The following TARBP1 variants were observed in gnomAD, a reference collection of about 807,000 sequenced individuals.
The protein encoded by TARBP1 is tRNA (guanosine(18)-2'-O)-methyltransferase TARBP1.
In TARBP1, 144 loss-of-function variants were observed where a neutral mutation model predicts 178.6. The ratio of observed to expected loss-of-function variants is 0.81; its 90% CI spans 0.70 to 0.93. The LOEUF (loss-of-function observed/expected upper bound fraction) is 0.93, where lower values mean the gene tolerates loss of function less well. Ranked by LOEUF, TARBP1 falls within the 40% of genes least tolerant of loss-of-function variation. TARBP1 has a pLI of 0.00. For missense variants in TARBP1, 2,067 were observed against 2,011.7 expected, an observed-to-expected ratio of 1.03 and a Z score of -0.53; for synonymous variants, 787 against 781.0, an observed-to-expected ratio of 1.01 and a Z score of -0.13.
intron 23 of TARBP1, among the ~76,000 whole-genome samples, chr1:234,409,058 C>T (rs941746663): frequency 1.3e-5 from 2 of 152,066 alleles, no homozygotes; most frequent in African/African-American, 4.8e-5. Flanking sequence ...GAAATCAAAC[C>T]TACATTTATC....
chr1:234,409,804 C>G (rs2103063152), intron 23 of TARBP1, among the ~76,000 whole-genome samples: 1 of 152,262 alleles, frequency 6.6e-6, no homozygotes, highest in Admixed American at 6.5e-5. Flanking sequence ...TATAGTATAT[C>G]AGTACATTCT....
intron 8 of TARBP1, among the ~76,000 whole-genome samples, chr1:234,458,399 A>C (rs1156393841): frequency 6.6e-6 from 1 of 152,226 alleles, no homozygotes; most frequent in East Asian, 1.9e-4. Flanking sequence ...TGACTCAGAA[A>C]ACCACCTAGG....
At chr1:234,436,075 T>C (rs1210027573) in intron 13 of TARBP1, among the ~76,000 whole-genome samples, 1 of 151,778 alleles carries the variant, frequency 6.6e-6, no homozygotes, top group African/African-American at 2.4e-5. Flanking sequence ...CTTAAAACTA[T>C]CATATATGGA....
intron 28 of TARBP1, 113 bp from the exon 29 acceptor site, chr1:234,392,665 G>A: frequency 1.1e-6 from 1 of 915,546 alleles, no homozygotes; most frequent in Non-Finnish European, 1.6e-6. Flanking sequence ...AGAAAAAGGA[G>A]AGAATTATAC....
rs1669683418 is a variant in TARBP1 at position 234,477,597 on chromosome 1, T to C, written c.931+576A>G. Among the ~76,000 whole-genome samples, 3 of 152,260 alleles carry C rather than the reference T, an allele frequency of 2.0e-5. No individual in the cohort carries two copies. In the South Asian group the frequency reaches 6.2e-4, roughly 32 times the overall value. The stretch of plus-strand genomic sequence containing the variant: ...ATAGTAGGGAGCAAAGCTCAAACAG[T>C]TAAAAAATAAAATCTGATTCATTCT... On this transcript the variant is annotated intron_variant, in intron 1 of 29. Coordinates refer to ENST00000040877, the MANE Select transcript of TARBP1 (RefSeq NM_005646.4).
intron 22 of TARBP1, among the ~76,000 whole-genome samples, chr1:234,414,747 G>A (rs1662226483): frequency 6.6e-6 from 1 of 152,198 alleles, no homozygotes; most frequent in African/African-American, 2.4e-5. Context: ...CACTTAGGGA[G>A]GCCGAAGCGG....
chr1:234,396,885 GGA>G (rs1255610756), intron 26 of TARBP1, among the ~76,000 whole-genome samples: 1 of 151,960 alleles, frequency 6.6e-6, no homozygotes, highest in African/African-American at 2.4e-5. Flanking sequence ...GGCATGTGGG[GGA>G]CTCAGAATGA....
rs776644685 is a variant in TARBP1 at position 234,451,760 on chromosome 1, A to AC, written c.1723-1195_1723-1194insG. On this transcript the variant is annotated intron_variant, in intron 9 of 29. Coordinates refer to ENST00000040877, the MANE Select transcript of TARBP1 (RefSeq NM_005646.4). Reference sequence around the variant, plus strand: ...CGAGACTCCGTCTCAAAAAAAAAAAAAAAAAATGATGAATGACTGGATCAT... The same window carrying AC: ...CGAGACTCCGTCTCAAAAAAAAAAAACAAAAAATGATGAATGACTGGATCAT... Among the ~76,000 whole-genome samples the AC allele has an allele frequency of 1.2e-3, 171 of 143,772 alleles. 70 individuals are homozygous for AC. Among genetic ancestry groups the AC allele is most frequent in the Non-Finnish European group, 2.1e-3 (135 of 65,020 alleles). 94.3% of individuals were successfully genotyped at this position (143,772 alleles called of 152,430 possible).
At chr1:234,430,360 C>G in intron 14 of TARBP1, 59 bp from the exon 15 acceptor site, 1 of 1,475,526 alleles carries the variant, frequency 6.8e-7, no homozygotes, top group Non-Finnish European at 9.3e-7. Flanking sequence ...TCAGTAATGA[C>G]CTCAGTTGCC....
At chr1:234,437,419 G>A in intron 12 of TARBP1, 47 bp from the exon 13 acceptor site, 1 of 935,510 alleles carries the variant, frequency 1.1e-6, no homozygotes. Context: ...GCAGTTCTTT[G>A]GTACAAAACA....
intron 15 of TARBP1, 74 bp from the exon 16 acceptor site, chr1:234,429,751 T>G: frequency 3.0e-5 from 26 of 880,328 alleles, no homozygotes; most frequent in African/African-American, 4.8e-5. Flanking sequence ...TAGCACACTA[T>G]CCTTTCTAAA....
At position 234,394,104 on chromosome 1, in the gene TARBP1, C is replaced by T. The variant is rs151271720; in HGVS notation, c.4244-267G>A. On this transcript the variant is annotated intron_variant, in intron 26 of 29. Coordinates refer to ENST00000040877, the MANE Select transcript of TARBP1 (RefSeq NM_005646.4). The stretch of plus-strand genomic sequence containing the variant: ...GAAACATGAGATACACGTTTTTTCA[C>T]GTTTTAGCATATCTGAAATTGAGAC... Among the ~76,000 whole-genome samples, 47 of 152,176 alleles carry T rather than the reference C, an allele frequency of 3.1e-4. No homozygotes were observed. In the East Asian group the frequency reaches 5.4e-3, roughly 17 times the overall value.
chr1:234,449,643 CAAG>C (rs1666537536), intron 10 of TARBP1, among the ~76,000 whole-genome samples: 1 of 152,084 alleles, frequency 6.6e-6, no homozygotes, highest in Non-Finnish European at 1.5e-5. Context: ...AGAAATGTTC[CAAG>C]AAGAATAAAC....
At chr1:234,447,104 C>A (rs1666256067) in intron 11 of TARBP1, 129 bp from the exon 12 acceptor site, 1 of 964,536 alleles carries the variant, frequency 1.0e-6, no homozygotes, top group Non-Finnish European at 1.6e-6. Context: ...ATGAAAGACC[C>A]AGACAACCAG....
intron 26 of TARBP1, among the ~76,000 whole-genome samples, chr1:234,396,295 G>A (rs915523940): frequency 1.3e-5 from 2 of 152,066 alleles, no homozygotes; most frequent in African/African-American, 2.4e-5. Context: ...CTACCCAACC[G>A]CACTGGGAAG....
intron 27 of TARBP1, 69 bp from the exon 28 acceptor site, chr1:234,393,555 T>C (rs1659618569): frequency 1.3e-6 from 2 of 1,572,888 alleles, no homozygotes; most frequent in African/African-American, 2.7e-5. Context: ...GTCGCATACA[T>C]TCCTTTGAAG....
rs781307574 is a variant in TARBP1, at chr1:234,429,618, T to A, written c.2669A>T (p.His890Leu). Residue 890 changes from histidine (H) to leucine (L), a missense_variant, in exon 16 of 30, where the codon CAT becomes CTT. Transcript: ENST00000040877. ...GWGKIVAQYIHDQWVCLSFLL... is the reference protein window; with the variant it reads ...GWGKIVAQYILDQWVCLSFLL... The stretch of plus-strand genomic sequence containing the variant: ...GAAAGAGAGGCACACCCATTGATCA[T>A]GAATATATTGTGCAACTATTTTTCC... The A allele has an allele frequency of 4.3e-5, 70 of 1,613,232 alleles. No individual in the cohort carries two copies. Among genetic ancestry groups the A allele is most frequent in the Non-Finnish European group, 5.8e-5 (68 of 1,179,764 alleles).
chr1:234,477,669 A>C (rs557699352), intron 1 of TARBP1, among the ~76,000 whole-genome samples: 1 of 152,264 alleles, frequency 6.6e-6, no homozygotes, highest in African/African-American at 2.4e-5. Flanking sequence ...CTTAAGAAAC[A>C]TGTTTAACAA....
intron 20 of TARBP1, among the ~76,000 whole-genome samples, chr1:234,423,367 C>A (rs763439955): frequency 6.6e-6 from 1 of 152,206 alleles, no homozygotes; most frequent in Non-Finnish European, 1.5e-5. Flanking sequence ...AACATACAAA[C>A]ATGCTCCAAT....
Sources: allele counts gnomAD v4.1 joint callset (sites outside exome capture counted in the v4.1 genomes callset), GRCh38; gene constraint gnomAD v4.1.1; transcripts MANE v1.5; gene names NCBI Gene and HGNC (gene_info 2026-07-23, HGNC 2026-07-21).